The following URI1 variants were observed in gnomAD, a reference collection of about 807,000 sequenced individuals.
The protein encoded by URI1 is unconventional prefoldin RPB5 interactor 1.
In URI1, 39 loss-of-function variants were observed where a neutral mutation model predicts 60.2. The ratio of observed to expected loss-of-function variants is 0.65; its 90% CI spans 0.50 to 0.85. The LOEUF is 0.85. URI1 is among the 40% of genes least tolerant of loss of function. The probability of loss-of-function intolerance (pLI) is 0.00; values close to 1 mark genes in which losing one functional copy is unlikely to be tolerated. For missense variants in URI1, 691 were observed against 665.9 expected, an observed-to-expected ratio of 1.04 and a Z score of -0.42; for synonymous variants, 251 against 236.8, an observed-to-expected ratio of 1.06 and a Z score of -0.55.
intron 1 of URI1, among the ~76,000 whole-genome samples, chr19:29,927,277 T>C (rs1438600858): frequency 2.6e-5 from 4 of 151,392 alleles, no homozygotes; most frequent in Non-Finnish European, 5.9e-5. Context: ...TTTTTTTTTT[T>C]TTCTGAAATG....
At chr19:30,008,887 A>T in intron 7 of URI1, 118 bp from the exon 8 acceptor site, 1 of 837,652 alleles carries the variant, frequency 1.2e-6, no homozygotes, top group South Asian at 2.5e-5. Flanking sequence ...TTAGAATTCT[A>T]GTTTTAAAAA....
chr19:29,942,233 C>T, upstream of URI1: 1 of 984,720 alleles, frequency 1.0e-6, no homozygotes. Flanking sequence ...CCGCGAGAGG[C>T]GGGGCGTGTG....
In URI1 at chr19:29,966,552, T is replaced by C. The variant is rs368465052; in HGVS notation, c.118-4641T>C. Among the ~76,000 whole-genome samples, 5 of 152,378 alleles carry C rather than the reference T, an allele frequency of 3.3e-5. No homozygotes were observed. In the East Asian group the frequency reaches 7.7e-4, roughly 23 times the overall value. ...CTCCCTTATTTGCAAAGGGGTTTAC[T>C]TAAAAGATTTGTAATTTTTGTAAAT... On this transcript the variant is annotated intron_variant, in intron 1 of 10. Transcript: ENST00000392271.
At chr19:30,010,058 C>G (rs1206130727) in intron 8 of URI1, among the ~76,000 whole-genome samples, 1 of 152,154 alleles carries the variant, frequency 6.6e-6, no homozygotes, top group African/African-American at 2.4e-5. Flanking sequence ...CTCTCTGCTC[C>G]ATGTACTGCT....
At chr19:30,007,746 AG>A (rs2055963360) in intron 7 of URI1, 108 bp downstream of exon 7, 1 of 930,964 alleles carries the variant, frequency 1.1e-6, no homozygotes, top group African/African-American at 1.7e-5. Flanking sequence ...AAGAAAATGC[AG>A]GGAAGCATAA....
chr19:29,945,151 T>C, intron 1 of URI1, among the ~76,000 whole-genome samples: 1 of 152,210 alleles, frequency 6.6e-6, no homozygotes, highest in Middle Eastern at 3.2e-3. Context: ...TTTGAATGAC[T>C]GTTCTCAGTT....
At chr19:29,993,499 C>G (rs1467405562) in intron 4 of URI1, among the ~76,000 whole-genome samples, 1 of 152,032 alleles carries the variant, frequency 6.6e-6, no homozygotes, top group African/African-American at 2.4e-5. Flanking sequence ...TGTCTGTTAT[C>G]TTACAGAGCA....
chr19:29,925,331 C>T lies in URI1; in HGVS notation c.63+1577C>T, dbSNP rs12459537. On this transcript the variant is annotated intron_variant, in intron 1 of 10. Transcript: ENST00000360605. ...CTCTTTTTTCCCTTTGTCCTGGGTCCGGTACTTGGCATGCAGTAGATTCTA... is the reference window on the plus strand; with the variant it reads ...CTCTTTTTTCCCTTTGTCCTGGGTCTGGTACTTGGCATGCAGTAGATTCTA... Among the ~76,000 whole-genome samples the T allele has an allele frequency of 4.6e-3, 704 of 152,230 alleles. 23 individuals are homozygous for T. Among genetic ancestry groups the T allele is most frequent in the Admixed American group, 0.04 (614 of 15,288 alleles).
chr19:29,988,216 T>C (rs1184685185), intron 4 of URI1, among the ~76,000 whole-genome samples: 1 of 152,084 alleles, frequency 6.6e-6, no homozygotes, highest in African/African-American at 2.4e-5. Flanking sequence ...CATGGTTTTA[T>C]AATTTATACC....
At chr19:29,933,884 TTTTG>T (rs1185165364) in intron 1 of URI1, among the ~76,000 whole-genome samples, 3 of 151,970 alleles carry the variant, frequency 2.0e-5, no homozygotes, top group African/African-American at 7.3e-5. Context: ...CTGTTTTCTG[TTTTG>T]TTTTTCTCCA....
At chr19:29,991,835 A>G (rs935511477) in intron 4 of URI1, among the ~76,000 whole-genome samples, 149 of 152,220 alleles carry the variant, frequency 9.8e-4, no homozygotes, top group Non-Finnish European at 1.9e-3. Flanking sequence ...AATTTTGTCC[A>G]GTGTATTTTC....
At chr19:29,960,018 C>G (rs2055301747) in intron 1 of URI1, among the ~76,000 whole-genome samples, 1 of 152,056 alleles carries the variant, frequency 6.6e-6, no homozygotes, top group African/African-American at 2.4e-5. Context: ...TTTTGTATGT[C>G]ATTTTCCTTA....
rs1314944486 is a variant in URI1, at chr19:29,942,586, G to T, written c.39G>T (p.Ser13=). The T allele has an allele frequency of 2.3e-6, 3 of 1,301,692 alleles. No individual in the cohort carries two copies. Among genetic ancestry groups the T allele is most frequent in the Admixed American group, 3.4e-5 (1 of 29,304 alleles). The allele number at this position is 1,301,692 out of a possible 1,614,324, so 80.6% of individuals were successfully genotyped here. A position where few individuals can be genotyped will look rare whatever the true frequency, so the allele number is the denominator to read the frequency against. ...CCGTGGAGACGCCCCCCGACCCCTC[G>T]CCCCCTTCGGCCCCGGCCCCTGCCC... ...APTVETPPDP[S]PPSAPAPALV... Residue 13 remains serine (S), a synonymous_variant, in exon 1 of 11, where the codon TCG becomes TCT. Coordinates refer to ENST00000392271, the MANE Select transcript of URI1 (RefSeq NM_003796.3).
intron 1 of URI1, among the ~76,000 whole-genome samples, chr19:29,960,788 A>G (rs1453783730): frequency 6.6e-6 from 1 of 152,106 alleles, no homozygotes; most frequent in Non-Finnish European, 1.5e-5. Context: ...TCACCTTTCT[A>G]TTAGACGTAC....
At chr19:30,006,827 C>T (rs745845528) in intron 6 of URI1, among the ~76,000 whole-genome samples, 1 of 152,030 alleles carries the variant, frequency 6.6e-6, no homozygotes, top group South Asian at 2.1e-4. Flanking sequence ...AAATGAAAAG[C>T]AGATACCTCT....
Position 30,012,506 on chromosome 19 carries a change from T to C in URI1, c.1400T>C (p.Leu467Pro). The C allele has an allele frequency of 1.9e-6, 3 of 1,614,136 alleles. No individual in the cohort carries two copies. Among genetic ancestry groups the C allele is most frequent in the Non-Finnish European group, 2.5e-6 (3 of 1,179,990 alleles). ...EEEPQENQKK[L>P]LPLSVTPEAF... is the part of the protein sequence containing the mutation. ...GAACCACAAGAAAATCAAAAGAAACTTTTGCCCTTATCAGTAACACCTGAG... is the reference window on the plus strand; with the variant it reads ...GAACCACAAGAAAATCAAAAGAAACCTTTGCCCTTATCAGTAACACCTGAG... The change falls in exon 10 of 11, where the codon CTT becomes CCT. Residue 467 changes from leucine (L) to proline (P), a missense_variant. Leu to Pro is a moderately conservative substitution (Grantham distance 98). Transcript: ENST00000392271.
At chr19:29,931,897 T>A (rs2145197998) in intron 1 of URI1, among the ~76,000 whole-genome samples, 1 of 136,600 alleles carries the variant, frequency 7.3e-6, no homozygotes, top group African/African-American at 2.7e-5. Context: ...GCTGAATTTA[T>A]TAGCTCTAAC....
At chr19:29,976,623 T>C (rs181888573) in intron 2 of URI1, among the ~76,000 whole-genome samples, 31 of 152,330 alleles carry the variant, frequency 2.0e-4, no homozygotes, top group Admixed American at 1.2e-3. Context: ...AATGACTTTA[T>C]TGAATAGGTC....
At chr19:29,956,353 C>T (rs1384260452) in intron 1 of URI1, 2 of 823,702 alleles carry the variant, frequency 2.4e-6, no homozygotes, top group African/African-American at 1.8e-5. Context: ...TGAAATATCA[C>T]AAGTATGTCT....
Sources: gnomAD v4.1 joint callset for allele counts (sites outside exome capture counted in the v4.1 genomes callset) on GRCh38, gnomAD v4.1.1 for gene constraint, MANE v1.5 for transcripts, NCBI Gene and HGNC (gene_info 2026-07-23, HGNC 2026-07-21) for gene names.